The following MED1 variants were observed in gnomAD, a reference collection of about 807,000 sequenced individuals.
MED1 encodes mediator of RNA polymerase II transcription subunit 1.
MED1 carries 17 observed loss-of-function variants against 121.3 expected under a neutral mutation model. The ratio of observed to expected loss-of-function variants is 0.14; its 90% CI spans 0.10 to 0.21. The LOEUF is 0.21. Among genes scored for constraint, MED1 ranks in the 10% least tolerant of loss-of-function variants. The pLI is 1.00. For missense variants in MED1, 1,558 were observed against 1,919.4 expected (o/e 0.81, Z 3.52); for synonymous variants, 661 against 694.4 (o/e 0.95, Z 0.76).
Position 39,451,077 on chromosome 17 carries a change from G to A in MED1, c.-15C>T. 8 of 1,610,582 alleles carry A rather than the reference G, an allele frequency of 5.0e-6. No homozygotes were observed. The highest frequency in any genetic ancestry group is 5.9e-6 in the Non-Finnish European group (7 of 1,178,596). On this transcript the variant is annotated 5_prime_UTR_variant, in exon 1 of 17. Transcript: ENST00000300651. Reference sequence around the variant, plus strand: ...TGAGCTTTCATCCTGAAGGCGAGGAGAAGCTAGATCCGCCACAAAAGGATA... The same window carrying A: ...TGAGCTTTCATCCTGAAGGCGAGGAAAAGCTAGATCCGCCACAAAAGGATA...
chr17:39,405,124 T>A lies in MED1; in HGVS notation c.*2351A>T. On this transcript the variant is annotated 3_prime_UTR_variant, in exon 17 of 17. Coordinates refer to ENST00000300651, the MANE Select transcript of MED1 (RefSeq NM_004774.4). ...AGGAGGGAGGTGTCCCAGGCTTGGT[T>A]TATTCTGCCTCTTCTCCTCCACCCT... The A allele has an allele frequency of 7.4e-7, 1 of 1,359,322 alleles. No homozygotes were observed. Among genetic ancestry groups the A allele is most frequent in the Non-Finnish European group, 9.8e-7 (1 of 1,022,592 alleles). 84.2% of individuals were successfully genotyped at this position (1,359,322 alleles called of 1,614,324 possible). A position where few individuals can be genotyped will look rare whatever the true frequency, so the allele number is the denominator to read the frequency against.
rs2048317736 is a variant in MED1 at position 39,407,844 on chromosome 17, C to G, written c.4377G>C (p.Gln1459His). The change falls in exon 17 of 17, where the codon CAG becomes CAC. Residue 1459 changes from glutamine to histidine, a missense_variant. By Grantham distance (24) the Gln-to-His change is conservative. Coordinates refer to ENST00000300651, the MANE Select transcript of MED1 (RefSeq NM_004774.4). Reference sequence around the variant, plus strand: ...CTGACTCACTTTCACTGTCCAGATTCTGGGGGGTATATGCTGGTGACTTAC... The same window carrying G: ...CTGACTCACTTTCACTGTCCAGATTGTGGGGGGTATATGCTGGTGACTTAC... Reference protein sequence around the residue: ...SHSKSPAYTPQNLDSESESGS... With the variant: ...SHSKSPAYTPHNLDSESESGS... 1 of 1,614,092 alleles carries G rather than the reference C, an allele frequency of 6.2e-7. No individual in the cohort carries two copies. The highest frequency in any genetic ancestry group is 2.2e-5 in the East Asian group (1 of 44,890).
chr17:39,443,329 A>G (rs2048696984), intron 3 of MED1, among the ~76,000 whole-genome samples: 1 of 151,990 alleles, frequency 6.6e-6, no homozygotes, highest in Non-Finnish European at 1.5e-5. Context: ...ACCCTTCATC[A>G]TTTATCTTTT....
At position 39,415,233 on chromosome 17, in the gene MED1, A is replaced by C; in HGVS notation, c.1393+11T>G. 1 of 1,608,918 alleles carries C rather than the reference A, an allele frequency of 6.2e-7. No homozygotes were observed. On this transcript the variant is annotated intron_variant, in intron 15 of 16. Transcript: ENST00000300651. ...GCTCCATGAGAGGTGTTAGCCACCC[A>C]CACAACTCACCACACACCAGGGAGT... is the stretch of plus-strand genomic sequence containing the variant.
intron 8 of MED1, among the ~76,000 whole-genome samples, chr17:39,431,657 G>A (rs2048566289): frequency 6.6e-6 from 1 of 152,150 alleles, no homozygotes; most frequent in Non-Finnish European, 1.5e-5. Flanking sequence ...CCAAAGTAAA[G>A]GGATTATTTC....
chr17:39,443,858 G>A lies in MED1; in HGVS notation c.133-230C>T, dbSNP rs369462156. Among the ~76,000 whole-genome samples, 17 of 152,154 alleles carry A rather than the reference G, an allele frequency of 1.1e-4. No individual in the cohort carries two copies. In the East Asian group the frequency reaches 1.2e-3, roughly 10 times the overall value. On this transcript the variant is annotated intron_variant, in intron 2 of 16. Transcript: ENST00000300651. ...AAAAAGGTATTCCTCAGCCAGGCAC[G>A]TGGCTCATGCCTGTAATTCTAGCAC...
rs756858854 is a variant in MED1 at position 39,408,319 on chromosome 17, G to A, written c.3902C>T (p.Pro1301Leu). Residue 1301 changes from proline to leucine, a missense_variant, in exon 17 of 17, where the codon CCG (proline) becomes CTG (leucine). By Grantham distance (98) the Pro-to-Leu change is moderately conservative (BLOSUM62 -3). This residue lies in a region of MED1 where 8 missense variants were observed against 28.1 expected (regional missense o/e 0.28). Transcript: ENST00000300651. The surrounding 1 kb of genome is among the most constrained non-coding windows in gnomAD (Gnocchi z 4.7). ...TTTATCTATGACAGCTGTCAAGGAC[G>A]GCTTCTTGTTTCTGCTGGGAGATTT... is the stretch of plus-strand genomic sequence containing the variant. Reference protein sequence around the residue: ...KGKSPSRNKKPSLTAVIDKLK... With the variant: ...KGKSPSRNKKLSLTAVIDKLK... 3 of 1,613,966 alleles carry A rather than the reference G, an allele frequency of 1.9e-6. No individual in the cohort carries two copies. The highest frequency in any genetic ancestry group is 2.2e-5 in the East Asian group (1 of 44,894).
chr17:39,440,670 A>G lies in MED1; in HGVS notation c.219T>C (p.Ser73=). ...CCAAACGATCAGTCATTGCTGGTAA[A>G]GATGTTACTATAAAAGGATGAAAAA... ...ETLQKALKVT[S]LPAMTDRLES... The change falls in exon 4 of 17, where the codon TCT becomes TCC. Residue 73 remains serine, a synonymous_variant. Transcript: ENST00000300651. The surrounding 1 kb of genome is among the most constrained non-coding windows in gnomAD (Gnocchi z 4.1). The G allele has an allele frequency of 6.2e-7, 1 of 1,612,802 alleles. No homozygotes were observed. The highest frequency in any genetic ancestry group is 8.5e-7 in the Non-Finnish European group (1 of 1,179,248).
Position 39,408,233 on chromosome 17 carries a change from C to T in MED1, c.3988G>A (p.Gly1330Arg), listed in dbSNP as rs1246702577. The change falls in exon 17 of 17, where the codon GGG (glycine) becomes AGG (arginine). Residue 1330 changes from glycine (G) to arginine (R), a missense_variant. Physicochemically the swap from Gly to Arg is moderately radical, Grantham distance 125. Coordinates refer to ENST00000300651, the MANE Select transcript of MED1 (RefSeq NM_004774.4). This position sits in a 1 kb window ranked among gnomAD's most constrained non-coding sequence, Gnocchi z 4.7. ...TGGCTGGAAGAATTTGTGCTCACCC[C>T]CATCTGGCCGTCCAGTGGGTCTTCA... ...GGEDPLDGQM[G>R]VSTNSSSHPM... is the part of the protein sequence containing the mutation. 6.8e-6 allele frequency: 11 copies of T among 1,614,062 alleles called. No homozygotes were observed. The highest frequency in any genetic ancestry group is 8.5e-6 in the Non-Finnish European group (10 of 1,180,030).
intron 11 of MED1, 79 bp downstream of exon 11, chr17:39,424,548 A>C (rs1047569269): frequency 1.3e-5 from 11 of 859,428 alleles, no homozygotes; most frequent in African/African-American, 1.2e-4. Flanking sequence ...CAAGTGGGGT[A>C]ACAGCCAGGT....
intron 16 of MED1, among the ~76,000 whole-genome samples, chr17:39,414,696 A>G (rs2048391054): frequency 9.7e-6 from 1 of 103,508 alleles, no homozygotes; most frequent in African/African-American, 3.8e-5. Context: ...AAAAACACGG[A>G]GTCTTGCTCT....
At position 39,447,108 on chromosome 17, in the gene MED1, C is replaced by T. The variant is rs1049879567; in HGVS notation, c.132+690G>A. 1.6e-4 allele frequency among the ~76,000 whole-genome samples: 25 copies of T among 152,142 alleles called. No homozygotes were observed. The East Asian group carries it at 4.3e-3, about 26-fold the overall frequency. Reference sequence around the variant, plus strand: ...GGTCATAGTCAAAATGCAGTCAAAACGGCTGGACGCGGTGGCTCACGCCTG... The same window carrying T: ...GGTCATAGTCAAAATGCAGTCAAAATGGCTGGACGCGGTGGCTCACGCCTG... On this transcript the variant is annotated intron_variant, in intron 2 of 16. Coordinates refer to ENST00000300651, the MANE Select transcript of MED1 (RefSeq NM_004774.4).
chr17:39,443,281 C>G (rs185147948), intron 3 of MED1, among the ~76,000 whole-genome samples: 1 of 151,620 alleles, frequency 6.6e-6, no homozygotes, highest in Non-Finnish European at 1.5e-5. Context: ...ATTACAGGAG[C>G]GAGCCACCGC....
intron 3 of MED1, among the ~76,000 whole-genome samples, chr17:39,442,336 G>A (rs972036844): frequency 6.6e-6 from 1 of 151,976 alleles, no homozygotes; most frequent in Non-Finnish European, 1.5e-5. Flanking sequence ...GGTAGCTCAC[G>A]CCTGTAATCC....
In MED1 at chr17:39,406,284, G is replaced by C; in HGVS notation, c.*1191C>G. 1.0e-6 allele frequency: 1 copy of C among 985,494 alleles called. No individual in the cohort carries two copies. The allele number at this position is 985,494 out of a possible 1,614,324, so 61.0% of individuals were successfully genotyped here. A position where few individuals can be genotyped will look rare whatever the true frequency, so the allele number is the denominator to read the frequency against. ...TTGTTTTAAGTGAACTATGGCTGCGGATTTTTTACTGTTTTATCTCAGGGA... is the reference window on the plus strand; with the variant it reads ...TTGTTTTAAGTGAACTATGGCTGCGCATTTTTTACTGTTTTATCTCAGGGA... On this transcript the variant is annotated 3_prime_UTR_variant, in exon 17 of 17. Transcript: ENST00000300651.
rs1259750473 is a variant in MED1, at chr17:39,406,633, C to T, written c.*842G>A. 1 of 984,172 alleles carries T rather than the reference C, an allele frequency of 1.0e-6. No homozygotes were observed. The allele number at this position is 984,172 out of a possible 1,614,324, so 61.0% of individuals were successfully genotyped here. A position where few individuals can be genotyped will look rare whatever the true frequency, so the allele number is the denominator to read the frequency against. ...CACAGAGAGGTAACTCCTAATATTCCTATGATCTCTGAACCCTATTTAAAC... is the reference window on the plus strand; with the variant it reads ...CACAGAGAGGTAACTCCTAATATTCTTATGATCTCTGAACCCTATTTAAAC... On this transcript the variant is annotated 3_prime_UTR_variant, in exon 17 of 17. Transcript: ENST00000300651.
intron 2 of MED1, among the ~76,000 whole-genome samples, chr17:39,444,336 G>A (rs568378889): frequency 3.3e-5 from 5 of 150,310 alleles, no homozygotes; most frequent in South Asian, 4.2e-4. Flanking sequence ...GTGAAACCCC[G>A]TCTCTACTAA....
chr17:39,423,747 T>C lies in MED1; in HGVS notation c.926A>G (p.Gln309Arg). 3.7e-6 allele frequency: 6 copies of C among 1,613,918 alleles called. No homozygotes were observed. Among genetic ancestry groups the C allele is most frequent in the Non-Finnish European group, 5.1e-6 (6 of 1,179,984 alleles). Residue 309 changes from glutamine (Q) to arginine (R), a missense_variant, in exon 12 of 17, where the codon CAG becomes CGG. By Grantham distance (43) the Gln-to-Arg change is conservative. This residue lies in a region of MED1 where 443 missense variants were observed against 532.4 expected (regional missense o/e 0.83). Transcript: ENST00000300651. ...LPACFFLKFP[Q>R]PIPVSRAFVQ... ...AAATGCTCTAGATACTGGGATTGGC[T>C]GGGGAAATTTCAAGAAGAAACAGGC...
At chr17:39,427,498 T>C (rs560017121) in intron 10 of MED1, 2 of 359,740 alleles carry the variant, frequency 5.6e-6, no homozygotes, top group East Asian at 5.0e-5. Flanking sequence ...CTTATTAAGC[T>C]CCTATTATGT....
Sources: allele counts gnomAD v4.1 joint callset (sites outside exome capture counted in the v4.1 genomes callset), GRCh38; gene constraint gnomAD v4.1.1; regional missense constraint gnomAD v4.1.1; non-coding constraint Gnocchi (gnomAD v3.1); transcripts MANE v1.5; gene names NCBI Gene and HGNC (gene_info 2026-07-23, HGNC 2026-07-21).